CRADD: variants seen among roughly 807,000 people sequenced by gnomAD.
CRADD encodes CARD and death domain containing adaptor protein, also known as death domain-containing protein CRADD.
Under a neutral mutation model 15.5 loss-of-function variants are expected in CRADD, and 9 were observed. That is an observed-to-expected ratio of 0.58 (90% confidence interval 0.35 to 1.01). CRADD has a LOEUF of 1.01. CRADD is among the 50% of genes least tolerant of loss of function. The probability of loss-of-function intolerance (pLI) is 0.02; values close to 1 mark genes in which losing one functional copy is unlikely to be tolerated. For missense variants in CRADD, 227 were observed against 250.3 expected (o/e 0.91, Z 0.63); for synonymous variants, 118 against 107.6 (o/e 1.10, Z -0.60).
At chr12:93,861,374 A>G (rs1378521000) in intron 2 of CRADD, among the ~76,000 whole-genome samples, 1 of 152,252 alleles carries the variant, frequency 6.6e-6, no homozygotes, top group Non-Finnish European at 1.5e-5. Flanking sequence ...GCTCCAATCA[A>G]GATGGCCATA....
At chr12:93,874,893 G>C (rs1429539382) in intron 2 of CRADD, among the ~76,000 whole-genome samples, 1 of 151,978 alleles carries the variant, frequency 6.6e-6, no homozygotes, top group African/African-American at 2.4e-5. Context: ...CGTGTATTCT[G>C]TAGCCATTGG....
intron 2 of CRADD, among the ~76,000 whole-genome samples, chr12:93,765,410 T>G (rs997248180): frequency 3.3e-5 from 5 of 152,216 alleles, no homozygotes; most frequent in Admixed American, 6.5e-5. Context: ...CAGCTCTCTG[T>G]GAAGTAAGCA....
chr12:93,706,803 A>G (rs56920568), intron 2 of CRADD, among the ~76,000 whole-genome samples: 2,945 of 152,310 alleles, frequency 0.019, 76 homozygotes, highest in African/African-American at 0.066. Context: ...ATTGCATGCA[A>G]TCATTGTTTA....
downstream of CRADD, among the ~76,000 whole-genome samples, chr12:93,855,595 A>T (rs1958266474): frequency 6.6e-6 from 1 of 152,164 alleles, no homozygotes; most frequent in Non-Finnish European, 1.5e-5. Context: ...AGTGAGAGGT[A>T]TGGGAAATAA....
chr12:93,706,868 A>G (rs1012986035), intron 2 of CRADD, among the ~76,000 whole-genome samples: 1 of 152,166 alleles, frequency 6.6e-6, no homozygotes, highest in African/African-American at 2.4e-5. Flanking sequence ...TTCTGTTTTA[A>G]GTCCTATCCA....
At chr12:93,845,634 C>A (rs951464892) in intron 2 of CRADD, among the ~76,000 whole-genome samples, 3 of 151,938 alleles carry the variant, frequency 2.0e-5, no homozygotes, top group Middle Eastern at 6.9e-3. Context: ...TACAACCAAT[C>A]TGGTCTATAA....
intron 2 of CRADD, among the ~76,000 whole-genome samples, chr12:93,881,291 G>T (rs1247148474): frequency 1.3e-5 from 2 of 150,024 alleles, no homozygotes; most frequent in African/African-American, 2.5e-5. Context: ...GCAGCACTTT[G>T]TTTGTTTGTT....
chr12:93,855,779 A>G (rs1055283117), intron 2 of CRADD, among the ~76,000 whole-genome samples: 1 of 152,220 alleles, frequency 6.6e-6, no homozygotes, highest in Admixed American at 6.5e-5. Flanking sequence ...ATGTTTTGTT[A>G]AACCATTGAG....
chr12:93,757,669 C>T (rs1173510960), intron 2 of CRADD, among the ~76,000 whole-genome samples: 1 of 152,130 alleles, frequency 6.6e-6, no homozygotes, highest in Non-Finnish European at 1.5e-5. Flanking sequence ...TTTTCTTAGC[C>T]TGGTTCTCAT....
chr12:93,798,535 CAG>C (rs1457940166), intron 2 of CRADD, among the ~76,000 whole-genome samples: 1 of 152,114 alleles, frequency 6.6e-6, no homozygotes, highest in Non-Finnish European at 1.5e-5. Context: ...CTCTCAGAAA[CAG>C]AGAGGTCAAG....
At chr12:93,870,190 TA>T (rs1039042874) in intron 2 of CRADD, among the ~76,000 whole-genome samples, 2 of 152,308 alleles carry the variant, frequency 1.3e-5, no homozygotes, top group African/African-American at 4.8e-5. Context: ...AAGTATTTTT[TA>T]AAAAATCATT....
chr12:93,881,346 C>T (rs1392673062), intron 2 of CRADD, among the ~76,000 whole-genome samples: 2 of 144,924 alleles, frequency 1.4e-5, no homozygotes, highest in African/African-American at 5.0e-5. Context: ...TTTCTTTTAC[C>T]ACACAAAAAA....
chr12:93,772,022 G>A lies in CRADD; in HGVS notation c.299-77948G>A, dbSNP rs537147740. The stretch of plus-strand genomic sequence containing the variant: ...GAATGTATGCTTTATTTAAATTATC[G>A]TCTTTTGAGGTAACCTAATTTATAA... On this transcript the variant is annotated intron_variant, in intron 2 of 2. Transcript: ENST00000332896. Among the ~76,000 whole-genome samples, 38 of 152,244 alleles carry A rather than the reference G, an allele frequency of 2.5e-4. No individual in the cohort carries two copies. In the South Asian group the frequency reaches 2.9e-3, roughly 12 times the overall value.
At chr12:93,698,021 G>A (rs563102473) in intron 2 of CRADD, among the ~76,000 whole-genome samples, 25 of 152,274 alleles carry the variant, frequency 1.6e-4, no homozygotes, top group Non-Finnish European at 2.6e-4. Context: ...TGGGGATAGG[G>A]AAGGCATTGC....
At chr12:93,775,671 T>C (rs974884005) in intron 2 of CRADD, among the ~76,000 whole-genome samples, 3 of 152,190 alleles carry the variant, frequency 2.0e-5, no homozygotes, top group African/African-American at 7.2e-5. Context: ...CATAGCACCA[T>C]AGTGCTTTGC....
intron 2 of CRADD, among the ~76,000 whole-genome samples, chr12:93,834,092 A>G (rs1957946548): frequency 6.6e-6 from 1 of 152,180 alleles, no homozygotes; most frequent in African/African-American, 2.4e-5. Flanking sequence ...TCAACACAGC[A>G]CAGAGTGCAG....
At chr12:93,769,286 G>A (rs1008366612) in intron 2 of CRADD, among the ~76,000 whole-genome samples, 11 of 151,918 alleles carry the variant, frequency 7.2e-5, no homozygotes, top group Non-Finnish European at 1.2e-4. Flanking sequence ...GTTTCTCCAC[G>A]TTGCCCAGGC....
intron 2 of CRADD, among the ~76,000 whole-genome samples, chr12:93,882,497 CGT>C (rs907183082): frequency 1.3e-5 from 2 of 151,556 alleles, no homozygotes; most frequent in African/African-American, 4.8e-5. Flanking sequence ...CCCCCACCCC[CGT>C]GTGTGTGTGT....
rs201781000 is a variant in CRADD at position 93,768,927 on chromosome 12, A to AT, written c.299-81036dup. On this transcript the variant is annotated intron_variant, in intron 2 of 2. Transcript: ENST00000332896. ...GTAAATGAAATGTCTGTAGTTTTTG[A>AT]TTTTTTTACTTACTTTACTCAATAT... 3.5e-3 allele frequency among the ~76,000 whole-genome samples: 531 copies of AT among 152,032 alleles called. 12 individuals carry two copies. The highest frequency in any genetic ancestry group is 0.032 in the Admixed American group (482 of 15,260).
Sources: gnomAD v4.1 joint callset for allele counts (sites outside exome capture counted in the v4.1 genomes callset) on GRCh38, gnomAD v4.1.1 for gene constraint, MANE v1.5 for transcripts, NCBI Gene and HGNC (gene_info 2026-07-23, HGNC 2026-07-21) for gene names.